MRTFA: variants seen among roughly 807,000 people sequenced by gnomAD.
MRTFA encodes myocardin-related transcription factor A.
MRTFA carries 20 observed loss-of-function variants against 83.5 expected under a neutral mutation model. That is an observed-to-expected ratio of 0.24 (90% CI 0.17 to 0.35). The LOEUF is 0.35. MRTFA is among the 10% of genes least tolerant of loss of function. The pLI is 1.00. For synonymous variants in MRTFA, 659 were observed against 541.2 expected (o/e 1.22, Z -3.02); for missense variants, 1,200 against 1,224.7 (o/e 0.98, Z 0.30).
chr22:40,538,694 T>G (rs1416786990), intron 3 of MRTFA, among the ~76,000 whole-genome samples: 1 of 152,142 alleles, frequency 6.6e-6, no homozygotes, highest in Non-Finnish European at 1.5e-5. Flanking sequence ...TAAAATAAAT[T>G]TCACAATTCT....
chr22:40,584,861 T>G (rs2056005252), intron 2 of MRTFA, among the ~76,000 whole-genome samples: 1 of 151,034 alleles, frequency 6.6e-6, no homozygotes, highest in Admixed American at 6.6e-5. Flanking sequence ...CTAGCCAACA[T>G]AGTGAAACCC....
chr22:40,565,583 C>A (rs1011327288), intron 2 of MRTFA, among the ~76,000 whole-genome samples: 2 of 152,064 alleles, frequency 1.3e-5, no homozygotes, highest in African/African-American at 4.8e-5. Flanking sequence ...CTGGGGTAGA[C>A]CTGACTTTCA....
intron 2 of MRTFA, among the ~76,000 whole-genome samples, chr22:40,562,152 G>A (rs1433806192): frequency 6.6e-6 from 1 of 151,224 alleles, no homozygotes; most frequent in Non-Finnish European, 1.5e-5. Flanking sequence ...GGGAGGCGGA[G>A]CTTCCAGTGA....
chr22:40,517,614 T>C (rs2054783160), intron 3 of MRTFA, among the ~76,000 whole-genome samples: 1 of 152,178 alleles, frequency 6.6e-6, no homozygotes, highest in Non-Finnish European at 1.5e-5. Context: ...CACTGCAATG[T>C]TGTGATTTAT....
chr22:40,478,016 G>T (rs1415553762), intron 3 of MRTFA, among the ~76,000 whole-genome samples: 1 of 152,066 alleles, frequency 6.6e-6, no homozygotes, highest in Non-Finnish European at 1.5e-5. Context: ...AAAAAAGCAT[G>T]CTCCTGAAAT....
intron 3 of MRTFA, among the ~76,000 whole-genome samples, chr22:40,501,814 C>G (rs1281113929): frequency 7.9e-4 from 53 of 67,254 alleles, no homozygotes; most frequent in Non-Finnish European, 1.0e-3. Context: ...GGCTGACCCC[C>G]CCACCTCCCT....
intron 3 of MRTFA, among the ~76,000 whole-genome samples, chr22:40,490,473 C>T (rs1156383628): frequency 6.6e-6 from 1 of 151,998 alleles, no homozygotes; most frequent in Non-Finnish European, 1.5e-5. Context: ...GTGGTGGGTA[C>T]CTGTAGTCCC....
At chr22:40,436,628 C>T (rs2053175151) in intron 4 of MRTFA, among the ~76,000 whole-genome samples, 1 of 152,180 alleles carries the variant, frequency 6.6e-6, no homozygotes, top group South Asian at 2.1e-4. Flanking sequence ...GAAGGTCTGA[C>T]TCCTTTTGTC....
At chr22:40,413,586 T>G (rs897575419) in intron 14 of MRTFA, among the ~76,000 whole-genome samples, 2 of 150,146 alleles carry the variant, frequency 1.3e-5, no homozygotes, top group Non-Finnish European at 3.0e-5. Flanking sequence ...GGACTACAGG[T>G]GCCCGCCACC....
intron 2 of MRTFA, among the ~76,000 whole-genome samples, chr22:40,569,035 GA>G (rs1343506975): frequency 1.3e-5 from 2 of 152,038 alleles, no homozygotes; most frequent in Non-Finnish European, 2.9e-5. Flanking sequence ...CATATAACAT[GA>G]AAAAAATAAT....
intron 2 of MRTFA, among the ~76,000 whole-genome samples, chr22:40,577,787 G>A (rs967095697): frequency 6.6e-6 from 1 of 150,818 alleles, no homozygotes; most frequent in Non-Finnish European, 1.5e-5. Flanking sequence ...TGTATTTTTA[G>A]TAGAGATGGG....
intron 4 of MRTFA, 107 bp from the exon 5 acceptor site, chr22:40,435,661 G>A (rs780709154): frequency 8.0e-7 from 1 of 1,253,994 alleles, no homozygotes. Context: ...GGCTGGGCGT[G>A]GTGGCTCACG....
At position 40,410,340 on chromosome 22, in the gene MRTFA, C is replaced by T. The variant is rs1412708313; in HGVS notation, c.*1050G>A. On this transcript the variant is annotated 3_prime_UTR_variant, in exon 15 of 15. Transcript: ENST00000355630. ...GTTCACACACCTTCCCCATCTTTGT[C>T]CCAGCACTGGTTTTGGTGACTCCAC... The T allele has an allele frequency of 3.2e-6, 1 of 312,496 alleles. No individual in the cohort carries two copies. The highest frequency in any genetic ancestry group is 6.0e-5 in the East Asian group (1 of 16,642). The allele number at this position is 312,496 out of a possible 1,614,324, so 19.4% of individuals were successfully genotyped here. A position where few individuals can be genotyped will look rare whatever the true frequency, so the allele number is the denominator to read the frequency against.
chr22:40,419,242 A>G lies in MRTFA; in HGVS notation c.1496T>C (p.Ile499Thr), dbSNP rs1275803739. The change falls in exon 12 of 15, where the codon ATC (isoleucine) becomes ACC (threonine). Residue 499 changes from isoleucine to threonine, a missense_variant. Ile to Thr is a moderately conservative substitution (Grantham distance 89). This residue lies in a region of MRTFA where 1,107 missense variants were observed against 1,041.8 expected (regional missense o/e 1.06). Coordinates refer to ENST00000355630, the MANE Select transcript of MRTFA (RefSeq NM_020831.6). ...CACCACCTCGCCAGCCTTGTGCAGG[A>G]TAGAGGTGGCGGCAGGGGCCTTGGG... 1.2e-6 allele frequency: 2 copies of G among 1,611,024 alleles called. No individual in the cohort carries two copies. Among genetic ancestry groups the G allele is most frequent in the Admixed American group, 3.4e-5 (2 of 59,566 alleles).
chr22:40,611,205 C>T (rs1486605980), intron 1 of MRTFA, among the ~76,000 whole-genome samples: 2 of 152,076 alleles, frequency 1.3e-5, no homozygotes, highest in Non-Finnish European at 2.9e-5. Flanking sequence ...TCCCAAAGTG[C>T]TGGGATTACA....
At chr22:40,464,627 C>A (rs1284795385) in intron 3 of MRTFA, among the ~76,000 whole-genome samples, 2 of 152,044 alleles carry the variant, frequency 1.3e-5, no homozygotes, top group Non-Finnish European at 2.9e-5. Flanking sequence ...CCTTCCAAGT[C>A]ACATCTGAGA....
intron 3 of MRTFA, among the ~76,000 whole-genome samples, chr22:40,496,377 T>C (rs1461888706): frequency 1.4e-5 from 2 of 141,720 alleles, no homozygotes; most frequent in African/African-American, 2.6e-5. Context: ...CAGGAGAGAG[T>C]AGAAGCACAG....
chr22:40,540,488 C>A (rs1236762934), intron 3 of MRTFA, among the ~76,000 whole-genome samples: 1 of 152,146 alleles, frequency 6.6e-6, no homozygotes, highest in Non-Finnish European at 1.5e-5. Context: ...TTGTTCTTTA[C>A]CACGTGGCTT....
At chr22:40,604,953 C>A (rs1476697775) in intron 1 of MRTFA, among the ~76,000 whole-genome samples, 3 of 152,106 alleles carry the variant, frequency 2.0e-5, no homozygotes, top group African/African-American at 4.8e-5. Context: ...AGAGACTAAT[C>A]TATGACCTAT....
Sources: gnomAD v4.1 joint callset for allele counts (sites outside exome capture counted in the v4.1 genomes callset) on GRCh38, gnomAD v4.1.1 for gene constraint, gnomAD v4.1.1 regional missense constraint, MANE v1.5 for transcripts, NCBI Gene and HGNC (gene_info 2026-07-23, HGNC 2026-07-21) for gene names.